The following IQCM variants were observed in gnomAD, a reference collection of about 807,000 sequenced individuals.
IQCM encodes IQ domain-containing protein M.
A neutral mutation model predicts 57.6 loss-of-function variants in IQCM; 45 were observed. That is an observed-to-expected ratio of 0.78 (90% CI 0.62 to 1.00). The LOEUF (loss-of-function observed/expected upper bound fraction) is 1.00. Ranked by LOEUF, IQCM falls within the 50% of genes least tolerant of loss-of-function variation. IQCM has a pLI of 0.00. For synonymous variants in IQCM, 148 were observed against 158.9 expected (o/e 0.93, Z 0.51); for missense variants, 468 against 511.6 (o/e 0.91, Z 0.82).
At position 149,553,100 on chromosome 4, in the gene IQCM, A is replaced by G. The variant is rs936460656; in HGVS notation, c.1093+43T>C. ...ATTTAAAATTCCAATGGCTAAATTA[A>G]CTCCAAACTTAAATTCAAACCAGAA... On this transcript the variant is annotated intron_variant, in intron 11 of 13. Transcript: ENST00000636793. 93 of 1,223,870 alleles carry G rather than the reference A, an allele frequency of 7.6e-5. No homozygotes were observed. In the East Asian group the frequency reaches 2.9e-3, roughly 39 times the overall value. The allele number at this position is 1,223,870 out of a possible 1,614,324, so 75.8% of individuals were successfully genotyped here. A position where few individuals can be genotyped will look rare whatever the true frequency, so the allele number is the denominator to read the frequency against.
intron 2 of IQCM, among the ~76,000 whole-genome samples, chr4:149,777,398 A>G (rs1771192863): frequency 6.6e-6 from 1 of 152,208 alleles, no homozygotes; most frequent in Non-Finnish European, 1.5e-5. Context: ...GCTTTCTAAC[A>G]GCCTGGTACA....
At chr4:149,649,438 C>T (rs926570484) in intron 7 of IQCM, among the ~76,000 whole-genome samples, 1 of 152,152 alleles carries the variant, frequency 6.6e-6, no homozygotes, top group African/African-American at 2.4e-5. Flanking sequence ...TCCAATATTT[C>T]ACTTCCTATT....
At chr4:149,410,890 G>C (rs902792108) in intron 13 of IQCM, among the ~76,000 whole-genome samples, 31 of 152,036 alleles carry the variant, frequency 2.0e-4, no homozygotes, top group Non-Finnish European at 2.9e-5. Flanking sequence ...CACCTCACTG[G>C]ATTTTAATTT....
At chr4:149,485,543 T>G (rs1041956508) in intron 12 of IQCM, among the ~76,000 whole-genome samples, 1 of 151,936 alleles carries the variant, frequency 6.6e-6, no homozygotes, top group Non-Finnish European at 1.5e-5. Context: ...TTACCAACTC[T>G]AGAATTTGTT....
At chr4:149,672,070 A>C (rs1453911042) in intron 7 of IQCM, among the ~76,000 whole-genome samples, 2 of 152,150 alleles carry the variant, frequency 1.3e-5, no homozygotes, top group Non-Finnish European at 2.9e-5. Flanking sequence ...CTGACTTAGA[A>C]GGAAAACTAA....
rs571753296 is a variant in IQCM at position 149,698,204 on chromosome 4, G to A, written c.386-11736C>T. On this transcript the variant is annotated intron_variant, in intron 5 of 13. Transcript: ENST00000636793. ...AAGTTGTTATTGACTATTCTTTTTA[G>A]CCATGTGTTAGGGACCATGGAGGTT... is the stretch of plus-strand genomic sequence containing the variant. Among the ~76,000 whole-genome samples, 3 of 151,876 alleles carry A rather than the reference G, an allele frequency of 2.0e-5. No individual in the cohort carries two copies. In the East Asian group the frequency reaches 5.8e-4, roughly 29 times the overall value.
rs532824522 is a variant in IQCM at position 149,681,229 on chromosome 4, T to C, written c.565+889A>G. On this transcript the variant is annotated intron_variant, in intron 7 of 13. Transcript: ENST00000636793. ...GCCTACATTTACTTCCACACATGTA[T>C]ATTCAATTTTAGAATCAGTTGAGAC... Among the ~76,000 whole-genome samples the C allele has an allele frequency of 1.2e-3, 189 of 151,408 alleles. 1 individual carries two copies. The highest frequency in any genetic ancestry group is 4.2e-3 in the African/African-American group (173 of 41,470).
At chr4:149,453,998 C>T (rs1398605306) in intron 12 of IQCM, among the ~76,000 whole-genome samples, 6 of 151,604 alleles carry the variant, frequency 4.0e-5, no homozygotes, top group Non-Finnish European at 7.4e-5. Context: ...AACAAATGTT[C>T]ATCAACTGAT....
intron 12 of IQCM, among the ~76,000 whole-genome samples, chr4:149,435,388 T>C (rs1735258271): frequency 6.6e-6 from 1 of 152,022 alleles, no homozygotes; most frequent in African/African-American, 2.4e-5. Flanking sequence ...TGTAGCACAA[T>C]GAATTACTCA....
intron 7 of IQCM, among the ~76,000 whole-genome samples, chr4:149,680,371 T>C (rs1179959485): frequency 6.6e-6 from 1 of 151,382 alleles, no homozygotes. Context: ...TTGTTTATTT[T>C]GATTGGTATC....
intron 2 of IQCM, among the ~76,000 whole-genome samples, chr4:149,763,065 C>G (rs1361574889): frequency 6.6e-6 from 1 of 151,992 alleles, no homozygotes; most frequent in Non-Finnish European, 1.5e-5. Context: ...TTCAATTAGT[C>G]ACATTAAAAT....
At chr4:149,635,557 T>G (rs1174683979) in intron 7 of IQCM, among the ~76,000 whole-genome samples, 1 of 152,226 alleles carries the variant, frequency 6.6e-6, no homozygotes, top group Non-Finnish European at 1.5e-5. Context: ...GAATAAAAAT[T>G]CATTTCAAAG....
intron 12 of IQCM, among the ~76,000 whole-genome samples, chr4:149,454,153 T>A (rs1455286118): frequency 1.4e-5 from 2 of 146,128 alleles, no homozygotes; most frequent in African/African-American, 5.0e-5. Flanking sequence ...ATGTGATATA[T>A]ATATATATAT....
chr4:149,565,203 AC>A (rs1210781054), intron 9 of IQCM, among the ~76,000 whole-genome samples: 7 of 152,064 alleles, frequency 4.6e-5, no homozygotes, highest in African/African-American at 1.7e-4. Flanking sequence ...TGAATCCCAG[AC>A]CCAAGTTTCT....
At chr4:149,645,265 A>G (rs936195154) in intron 7 of IQCM, among the ~76,000 whole-genome samples, 9 of 152,194 alleles carry the variant, frequency 5.9e-5, no homozygotes, top group Admixed American at 2.6e-4. Flanking sequence ...TTTGATGAAC[A>G]GAAGTTCTTA....
At chr4:149,418,932 C>A (rs1404444974) in intron 13 of IQCM, among the ~76,000 whole-genome samples, 3 of 152,088 alleles carry the variant, frequency 2.0e-5, no homozygotes, top group Non-Finnish European at 2.9e-5. Flanking sequence ...ATACAGCAAA[C>A]AAGGGAAGTG....
intron 13 of IQCM, among the ~76,000 whole-genome samples, chr4:149,407,457 T>C (rs1733065853): frequency 6.6e-6 from 1 of 152,126 alleles, no homozygotes; most frequent in African/African-American, 2.4e-5. Context: ...CAGGTGATAT[T>C]TCATCCCTCC....
intron 8 of IQCM, among the ~76,000 whole-genome samples, chr4:149,618,948 A>G (rs1273057587): frequency 6.6e-6 from 1 of 152,026 alleles, no homozygotes; most frequent in African/African-American, 2.4e-5. Context: ...AATAGAACTA[A>G]CTTCAGTTCA....
chr4:149,523,140 CAGAG>C (rs771637420), intron 12 of IQCM, among the ~76,000 whole-genome samples: 1 of 152,038 alleles, frequency 6.6e-6, no homozygotes, highest in Middle Eastern at 3.2e-3. Context: ...TGGCAGACAG[CAGAG>C]AGAGAGGAAG....
Sources: allele counts gnomAD v4.1 joint callset (sites outside exome capture counted in the v4.1 genomes callset), GRCh38; gene constraint gnomAD v4.1.1; transcripts MANE v1.5; gene names NCBI Gene and HGNC (gene_info 2026-07-23, HGNC 2026-07-21).